Variants in JUP observed in about 807,000 individuals in gnomAD.
JUP encodes the protein junction plakoglobin, also known as catenin (cadherin-associated protein), gamma 80kDa.
A neutral mutation model predicts 71.1 loss-of-function variants in JUP; 28 were observed. That is an observed-to-expected ratio of 0.39 (90% confidence interval 0.29 to 0.54). The LOEUF is 0.54. Among genes scored for constraint, JUP ranks in the 20% least tolerant of loss-of-function variants. JUP has a pLI of 0.62. For synonymous variants in JUP, 401 were observed against 438.9 expected (o/e 0.91, Z 1.08); for missense variants, 869 against 1,030.1 (o/e 0.84, Z 2.14).
At position 41,767,576 on chromosome 17, in the gene JUP, G is replaced by T; in HGVS notation, c.712C>A (p.Pro238Thr). 1 of 1,610,020 alleles carries T rather than the reference G, an allele frequency of 6.2e-7. No homozygotes were observed. The highest frequency in any genetic ancestry group is 1.1e-5 in the South Asian group (1 of 90,980). Reference sequence around the variant, plus strand: ...GCATAGAACAGGACCGACTCCACAGGGGAGCTGGGGGGGTGGGCAGGGGTT... The same window carrying T: ...GCATAGAACAGGACCGACTCCACAGTGGAGCTGGGGGGGTGGGCAGGGGTT... ...IPALVRMLSS[P>T]VESVLFYAIT... Residue 238 changes from proline (P) to threonine (T), a missense_variant, in exon 5 of 14, where the codon CCT becomes ACT. Transcript: ENST00000393931.
At chr17:41,773,733 C>G (rs1337196658) in intron 1 of JUP, among the ~76,000 whole-genome samples, 2 of 152,078 alleles carry the variant, frequency 1.3e-5, no homozygotes, top group Admixed American at 1.3e-4. Flanking sequence ...TGGGAAAACC[C>G]TACTAAAATC....
intron 1 of JUP, among the ~76,000 whole-genome samples, chr17:41,778,194 C>T (rs1257136633): frequency 6.6e-6 from 1 of 152,174 alleles, no homozygotes; most frequent in African/African-American, 2.4e-5. Context: ...ACATATAACC[C>T]TCTCCTGGGA....
Position 41,758,408 on chromosome 17 carries a change from CAG to C in JUP, c.1762_1763del (p.Leu588ValfsTer22). The stretch of plus-strand genomic sequence containing the variant: ...CCTGCCCCAGACTCACCTGCACAAA[CAG>C]GGGAATGGTGTTGAGCCGGAAGATC... ...MEIFRLNTIPLFVQLLYSSVE... is the reference protein window; with the variant it reads ...MEIFRLNTIPXFVQLLYSSVE... On this transcript the variant is annotated frameshift_variant, in exon 10 of 14. Transcript: ENST00000393931. LOFTEE classifies it high-confidence loss of function. 1 of 1,613,294 alleles carries C rather than the reference CAG, an allele frequency of 6.2e-7. No homozygotes were observed. The highest frequency in any genetic ancestry group is 8.5e-7 in the Non-Finnish European group (1 of 1,180,012).
intron 2 of JUP, 138 bp from the exon 3 acceptor site, chr17:41,769,815 C>A: frequency 1.1e-6 from 1 of 913,776 alleles, no homozygotes; most frequent in Non-Finnish European, 1.6e-6. Flanking sequence ...ACATGACTGG[C>A]CATTCTACCT....
intron 4 of JUP, among the ~76,000 whole-genome samples, chr17:41,767,879 G>C (rs1056038081): frequency 6.6e-6 from 1 of 152,208 alleles, no homozygotes; most frequent in Non-Finnish European, 1.5e-5. Context: ...CCACCATGTG[G>C]AAGGCCACAT....
At position 41,763,126 on chromosome 17, in the gene JUP, T is replaced by A. The variant is rs794729045; in HGVS notation, c.1354A>T (p.Thr452Ser). The change falls in exon 8 of 14, where the codon ACG becomes TCG. Residue 452 changes from threonine (T) to serine (S), a missense_variant. Thr to Ser is a moderately conservative substitution (Grantham distance 58, BLOSUM62 1). Transcript: ENST00000393931. ...ILRAGDKDDI[T>S]EPAVCALRHL... is the part of the protein sequence containing the mutation. ...CGCAGAGCGCAGACGGCAGGCTCCG[T>A]GATGTCGTCCTTGTCACCAGCACGC... 33 of 1,614,048 alleles carry A rather than the reference T, an allele frequency of 2.0e-5. No homozygotes were observed. The highest frequency in any genetic ancestry group is 2.5e-5 in the Non-Finnish European group (29 of 1,180,032).
rs2143370644 is a variant in JUP, at chr17:41,755,771, G to A, written c.2211C>T (p.Tyr737=). Residue 737 remains tyrosine, a synonymous_variant, in exon 14 of 14, where the codon TAC becomes TAT. Transcript: ENST00000393931. ...DTYSDGLRPP[Y]PTADHMLA ...AGGCCAGCATGTGGTCTGCAGTGGGGTACGGGGGCCTGAGGCCGTCGCTGT... is the reference window on the plus strand; with the variant it reads ...AGGCCAGCATGTGGTCTGCAGTGGGATACGGGGGCCTGAGGCCGTCGCTGT... 6.2e-7 allele frequency: 1 copy of A among 1,609,164 alleles called. No homozygotes were observed. Among genetic ancestry groups the A allele is most frequent in the Non-Finnish European group, 8.5e-7 (1 of 1,177,310 alleles).
chr17:41,769,869 C>T (rs1433349892), intron 2 of JUP, among the ~76,000 whole-genome samples, 192 bp from the exon 3 acceptor site: 2 of 151,548 alleles, frequency 1.3e-5, no homozygotes, highest in African/African-American at 4.9e-5. Flanking sequence ...TCAGTAATCT[C>T]TGTAAAATAG....
chr17:41,786,197 C>T (rs9911745), intron 1 of JUP: 135,432 of 152,254 alleles, frequency 0.89, 60,441 homozygotes, highest in East Asian at 1. Flanking sequence ...GCAGCAAGTT[C>T]CCCAAACGGT....
In JUP at chr17:41,763,440, G is replaced by A. The variant is rs1915217799; in HGVS notation, c.1159-119C>T. The A allele has an allele frequency of 8.5e-6, 6 of 702,288 alleles. No individual in the cohort carries two copies. In the South Asian group the frequency reaches 1.0e-4, roughly 12 times the overall value. The allele number at this position is 702,288 out of a possible 1,614,324, so 43.5% of individuals were successfully genotyped here. A position where few individuals can be genotyped will look rare whatever the true frequency, so the allele number is the denominator to read the frequency against. Reference sequence around the variant, plus strand: ...GGTCAGCCCTGCCTGTGTGTGCCCGGGAACTTTCATCCCTATGACCCGCCA... The same window carrying A: ...GGTCAGCCCTGCCTGTGTGTGCCCGAGAACTTTCATCCCTATGACCCGCCA... On this transcript the variant is annotated intron_variant, in intron 7 of 13. Transcript: ENST00000393931.
At chr17:41,773,397 G>A (rs1465106825) in intron 1 of JUP, among the ~76,000 whole-genome samples, 1 of 152,220 alleles carries the variant, frequency 6.6e-6, no homozygotes, top group Non-Finnish European at 1.5e-5. Flanking sequence ...ACAGGCAGAG[G>A]CAGGGGCCAG....
At chr17:41,761,203 G>A (rs1268108625) in intron 8 of JUP, among the ~76,000 whole-genome samples, 1 of 152,104 alleles carries the variant, frequency 6.6e-6, no homozygotes, top group Non-Finnish European at 1.5e-5. Context: ...GATGCTAAGC[G>A]TCCCCAGAAT....
chr17:41,769,811 C>T (rs925839287), intron 2 of JUP, 134 bp from the exon 3 acceptor site: 30 of 961,496 alleles, frequency 3.1e-5, no homozygotes, highest in Admixed American at 5.2e-5. Context: ...CAGCACATGA[C>T]TGGCCATTCT....
intron 4 of JUP, 21 bp downstream of exon 4, chr17:41,768,948 G>A (rs1555605063): frequency 1.3e-6 from 2 of 1,563,398 alleles, no homozygotes; most frequent in Non-Finnish European, 1.7e-6. Flanking sequence ...CTGGGCTCAT[G>A]CAGTGAGCAG....
At position 41,757,626 on chromosome 17, in the gene JUP, C is replaced by A. The variant is rs730880115; in HGVS notation, c.1924+8G>T. ...TGGGACCCAGCCTCCTGCCCTCCCC[C>A]AGCTCACCAGTGCCCTCGTTGCGGG... is the stretch of plus-strand genomic sequence containing the variant. On this transcript the variant is annotated splice_region_variant and intron_variant, in intron 11 of 13. Coordinates refer to ENST00000393931, the MANE Select transcript of JUP (RefSeq NM_002230.4). 18 of 1,613,764 alleles carry A rather than the reference C, an allele frequency of 1.1e-5. No homozygotes were observed. Among genetic ancestry groups the A allele is most frequent in the Admixed American group, 8.3e-5 (5 of 59,946 alleles).
At chr17:41,778,707 C>T (rs868983100) in intron 1 of JUP, among the ~76,000 whole-genome samples, 262 of 144,592 alleles carry the variant, frequency 1.8e-3, no homozygotes, top group African/African-American at 5.9e-3. Context: ...GTCAGGAGAT[C>T]GAGACCATAC....
intron 10 of JUP, chr17:41,758,042 A>C: frequency 3.6e-6 from 2 of 554,292 alleles, no homozygotes; most frequent in Admixed American, 3.4e-5. Context: ...AAGATGTTAG[A>C]CTCTTCTTGT....
chr17:41,763,292 C>T lies in JUP; in HGVS notation c.1188G>A (p.Leu396=). Residue 396 remains leucine, a synonymous_variant, in exon 8 of 14, where the codon CTG becomes CTA. Transcript: ENST00000393931. ...QEGLESVLKI[L]VNQLSVDDVN... Reference sequence around the variant, plus strand: ...CGTCATCCACACTCAGCTGATTCACCAGAATCTTCAGCACACTCTCCAGGC... The same window carrying T: ...CGTCATCCACACTCAGCTGATTCACTAGAATCTTCAGCACACTCTCCAGGC... The T allele has an allele frequency of 1.2e-6, 2 of 1,614,142 alleles. No individual in the cohort carries two copies. Among genetic ancestry groups the T allele is most frequent in the East Asian group, 4.5e-5 (2 of 44,886 alleles).
At chr17:41,764,534 G>GGAAAAAAAAAAAAAAAAAAAAAA (rs60346985) in intron 7 of JUP, among the ~76,000 whole-genome samples, 179 bp downstream of exon 7, 1 of 83,910 alleles carries the variant, frequency 1.2e-5, no homozygotes. Context: ...GACTCCGTCA[G>GGAAAAAAAAAAAAAAAAAAAAAA]AAAAAAAAAA....
Sources: allele counts gnomAD v4.1 joint callset (sites outside exome capture counted in the v4.1 genomes callset), GRCh38; gene constraint gnomAD v4.1.1; transcripts MANE v1.5; gene names NCBI Gene and HGNC (gene_info 2026-07-23, HGNC 2026-07-21).